ATP10A: variants seen among roughly 807,000 people sequenced by gnomAD.
ATP10A encodes phospholipid-transporting ATPase VA.
ATP10A carries 111 observed loss-of-function variants against 147.8 expected under a neutral mutation model. The ratio of observed to expected loss-of-function variants is 0.75; its 90% CI spans 0.64 to 0.88. The LOEUF is 0.88. Ranked by LOEUF, ATP10A falls within the 40% of genes least tolerant of loss-of-function variation. The probability of loss-of-function intolerance (pLI) is 0.00; values close to 1 mark genes in which losing one functional copy is unlikely to be tolerated. For missense variants in ATP10A, 1,927 were observed against 1,959.0 expected, an observed-to-expected ratio of 0.98 and a Z score of 0.31; for synonymous variants, 875 against 841.6, an observed-to-expected ratio of 1.04 and a Z score of -0.69.
intron 11 of ATP10A, 22 bp from the exon 12 acceptor site, chr15:25,708,124 G>A: frequency 6.2e-7 from 1 of 1,613,356 alleles, no homozygotes; most frequent in Non-Finnish European, 8.5e-7. Flanking sequence ...ACATTGTTGA[G>A]TGCTGCACCG....
At chr15:25,861,808 G>A (rs1333359254) in intron 1 of ATP10A, 2 of 155,728 alleles carry the variant, frequency 1.3e-5, no homozygotes, top group Non-Finnish European at 2.9e-5. Flanking sequence ...GCCTTGAGGT[G>A]GTCCAGGCTG....
intron 2 of ATP10A, among the ~76,000 whole-genome samples, chr15:25,768,152 C>G (rs41490246): frequency 1.8e-4 from 28 of 152,092 alleles, no homozygotes; most frequent in Non-Finnish European, 3.8e-4. Context: ...GCCGGCATGA[C>G]GAGGAAACCG....
chr15:25,739,845 G>A (rs187161162), intron 2 of ATP10A, among the ~76,000 whole-genome samples: 4 of 152,330 alleles, frequency 2.6e-5, no homozygotes, highest in African/African-American at 9.6e-5. Context: ...TGACTAGGTG[G>A]AAAGAAAGAG....
At chr15:25,856,008 A>T (rs1259542291) in intron 1 of ATP10A, among the ~76,000 whole-genome samples, 6 of 152,240 alleles carry the variant, frequency 3.9e-5, no homozygotes, top group African/African-American at 1.4e-4. Context: ...TAAATGTTAA[A>T]ATTAAAAGAA....
In ATP10A at chr15:25,762,346, G is replaced by A. The variant is rs144948972; in HGVS notation, c.654+18673C>T. Among the ~76,000 whole-genome samples the A allele has an allele frequency of 2.1e-3, 320 of 152,224 alleles. 3 individuals are homozygous for A. Among genetic ancestry groups the A allele is most frequent in the African/African-American group, 7.5e-3 (312 of 41,520 alleles). ...TACAGGAACGCAGTGGCACAATCAT[G>A]GCTCACTGCAGCCTTGATCTTCTGG... On this transcript the variant is annotated intron_variant, in intron 2 of 20. Transcript: ENST00000555815.
chr15:25,803,406 C>G (rs1337911982), intron 1 of ATP10A, among the ~76,000 whole-genome samples: 3 of 152,338 alleles, frequency 2.0e-5, no homozygotes, highest in Admixed American at 2.0e-4. Flanking sequence ...CCCCTGGGTG[C>G]TGGGACATTT....
intron 1 of ATP10A, among the ~76,000 whole-genome samples, chr15:25,822,254 G>A (rs1314672608): frequency 6.6e-6 from 1 of 152,198 alleles, no homozygotes; most frequent in Non-Finnish European, 1.5e-5. Flanking sequence ...CATGGATACG[G>A]AGGGCTGGCT....
intron 1 of ATP10A, chr15:25,862,331 G>C (rs1452542033): frequency 1.8e-6 from 1 of 565,852 alleles, no homozygotes; most frequent in Admixed American, 2.2e-5. Context: ...CTTCAGGTGG[G>C]AGCGGCTGTG....
chr15:25,715,349 T>C (rs1431027607), intron 9 of ATP10A, among the ~76,000 whole-genome samples: 1 of 152,132 alleles, frequency 6.6e-6, no homozygotes, highest in Non-Finnish European at 1.5e-5. Flanking sequence ...CCAACCAATA[T>C]GTGGGAATAG....
intron 1 of ATP10A, among the ~76,000 whole-genome samples, chr15:25,827,010 G>A (rs7168502): frequency 6.6e-6 from 1 of 152,162 alleles, no homozygotes; most frequent in Non-Finnish European, 1.5e-5. Context: ...CTGGAAGAAA[G>A]AAAGAAAAAA....
chr15:25,854,178 G>A (rs1278533646), intron 1 of ATP10A, among the ~76,000 whole-genome samples: 1 of 152,190 alleles, frequency 6.6e-6, no homozygotes, highest in East Asian at 1.9e-4. Context: ...TGTAGTCAGA[G>A]AGTAAGGGAG....
intron 7 of ATP10A, among the ~76,000 whole-genome samples, chr15:25,721,439 G>A (rs1234646516): frequency 2.6e-5 from 4 of 152,182 alleles, no homozygotes; most frequent in East Asian, 1.9e-4. Flanking sequence ...CAGGGCGGGC[G>A]GCCGTGCCAG....
chr15:25,849,861 T>A (rs143409894), intron 1 of ATP10A, among the ~76,000 whole-genome samples: 1,641 of 150,876 alleles, frequency 0.011, 19 homozygotes, highest in Middle Eastern at 0.052. Flanking sequence ...AAAAAATAAA[T>A]GTGTACATGG....
chr15:25,687,954 G>T, intron 15 of ATP10A, 126 bp from the exon 16 acceptor site: 1 of 1,322,128 alleles, frequency 7.6e-7, no homozygotes, highest in Non-Finnish European at 1.1e-6. Context: ...GTGCGAGCGT[G>T]GCCGGCCAGG....
chr15:25,728,647 A>G (rs1902739607), intron 3 of ATP10A, among the ~76,000 whole-genome samples: 1 of 152,246 alleles, frequency 6.6e-6, no homozygotes, highest in African/African-American at 2.4e-5. Context: ...AGTAGAAAAT[A>G]ACAAATCGTC....
chr15:25,739,958 C>T (rs1016949166), intron 2 of ATP10A, among the ~76,000 whole-genome samples: 20 of 152,142 alleles, frequency 1.3e-4, no homozygotes, highest in Admixed American at 1.1e-3. Flanking sequence ...CAGAGCCCTG[C>T]GGCATGCTTC....
intron 1 of ATP10A, 131 bp downstream of exon 1, chr15:25,862,510 GCGCAGCC>G: frequency 9.2e-7 from 1 of 1,091,518 alleles, no homozygotes; most frequent in Admixed American, 2.7e-5. Context: ...ACCGGGTCCC[GCGCAGCC>G]GGGCCCTCCA....
At chr15:25,793,957 C>T (rs1350126687) in intron 1 of ATP10A, among the ~76,000 whole-genome samples, 1 of 152,144 alleles carries the variant, frequency 6.6e-6, no homozygotes, top group Non-Finnish European at 1.5e-5. Flanking sequence ...CAAGTCCTGC[C>T]CCAGATGCCC....
rs115565848 is a variant in ATP10A at position 25,723,029 on chromosome 15, T to C, written c.1110+862A>G. Among the ~76,000 whole-genome samples, 450 of 152,284 alleles carry C rather than the reference T, an allele frequency of 3.0e-3. 4 individuals are homozygous for C. The highest frequency in any genetic ancestry group is 0.01 in the African/African-American group (431 of 41,560). On this transcript the variant is annotated intron_variant, in intron 6 of 20. Transcript: ENST00000555815. ...CATTTATGGAAGGACTAGTGGGATC[T>C]GAAAGAAGGCTATAGTTTTGTTCAA...
Sources: allele counts gnomAD v4.1 joint callset (sites outside exome capture counted in the v4.1 genomes callset), GRCh38; gene constraint gnomAD v4.1.1; transcripts MANE v1.5; gene names NCBI Gene and HGNC (gene_info 2026-07-23, HGNC 2026-07-21).